ABCF1: variants seen among roughly 807,000 people sequenced by gnomAD.
The protein encoded by ABCF1 is ATP-binding cassette sub-family F member 1.
ABCF1 carries 73 observed loss-of-function variants against 126.3 expected under a neutral mutation model. The ratio of observed to expected loss-of-function variants is 0.58; its 90% CI spans 0.48 to 0.70. The LOEUF is 0.70. Ranked by LOEUF, ABCF1 falls within the 30% of genes least tolerant of loss-of-function variation. ABCF1 has a pLI of 0.00. For missense variants in ABCF1, 786 were observed against 1,057.5 expected (o/e 0.74, Z 3.56); for synonymous variants, 345 against 396.4 (o/e 0.87, Z 1.54).
chr6:30,577,172 A>G (rs1258528399), intron 1 of ABCF1, among the ~76,000 whole-genome samples: 2 of 152,142 alleles, frequency 1.3e-5, no homozygotes, highest in South Asian at 2.1e-4. Context: ...ATGATCCCCT[A>G]CGCTAGCACA....
At position 30,590,837 on chromosome 6, in the gene ABCF1, A is replaced by G; in HGVS notation, c.*136A>G. On this transcript the variant is annotated 3_prime_UTR_variant, in exon 25 of 25. Transcript: ENST00000326195. Reference sequence around the variant, plus strand: ...TTCAGGCACATGAAGGTGGAGTGTGACCTTGATGTGACCGGGATCCCACTC... The same window carrying G: ...TTCAGGCACATGAAGGTGGAGTGTGGCCTTGATGTGACCGGGATCCCACTC... 1.1e-6 allele frequency: 1 copy of G among 930,798 alleles called. No homozygotes were observed. The allele number at this position is 930,798 out of a possible 1,614,324, so 57.7% of individuals were successfully genotyped here.
In ABCF1 at chr6:30,583,587, C is replaced by T. The variant is rs777454705; in HGVS notation, c.916-21C>T. The T allele has an allele frequency of 3.1e-6, 5 of 1,613,084 alleles. No individual in the cohort carries two copies. Among genetic ancestry groups the T allele is most frequent in the Non-Finnish European group, 4.2e-6 (5 of 1,179,094 alleles). ...ATGTGATCATCCCTTCCCTCTGCCA[C>T]CTCTTTCCTGATGGCTGCAGCTGGA... On this transcript the variant is annotated intron_variant, in intron 10 of 24. Coordinates refer to ENST00000326195, the MANE Select transcript of ABCF1 (RefSeq NM_001025091.2). This position sits in a 1 kb window ranked among gnomAD's most constrained non-coding sequence, Gnocchi z 4.1.
At chr6:30,579,908 A>C (rs1270750505) in intron 6 of ABCF1, 23 bp from the exon 7 acceptor site, 1 of 1,608,556 alleles carries the variant, frequency 6.2e-7, no homozygotes, top group Non-Finnish European at 8.5e-7. Flanking sequence ...TATGTGTGTA[A>C]TGTGTATGTG....
chr6:30,585,849 A>C (rs1325917836), intron 16 of ABCF1, 30 bp from the exon 17 acceptor site: 2 of 1,578,822 alleles, frequency 1.3e-6, no homozygotes, highest in Non-Finnish European at 1.7e-6. Flanking sequence ...AGGAGCAACC[A>C]CTGATGCCTG....
Position 30,586,197 on chromosome 6 carries a change from G to A in ABCF1, c.1777G>A (p.Glu593Lys). The A allele has an allele frequency of 1.2e-6, 2 of 1,614,020 alleles. No individual in the cohort carries two copies. The highest frequency in any genetic ancestry group is 1.7e-6 in the Non-Finnish European group (2 of 1,179,930). ...QQKCRRKNQD[E>K]ESQEAPELLK... ...GAAATGCCGACGGAAAAACCAAGAT[G>A]AGGAATCCCAGGAGGCCCCTGAGCT... The change falls in exon 18 of 25, where the codon GAG (glutamate) becomes AAG (lysine). Residue 593 changes from glutamate to lysine, a missense_variant. Physicochemically the swap from Glu to Lys is moderately conservative, Grantham distance 56. Coordinates refer to ENST00000326195, the MANE Select transcript of ABCF1 (RefSeq NM_001025091.2). This position sits in a 1 kb window ranked among gnomAD's most constrained non-coding sequence, Gnocchi z 4.9.
At chr6:30,589,636 G>T in intron 20 of ABCF1, 52 bp from the exon 21 acceptor site, 1 of 1,588,870 alleles carries the variant, frequency 6.3e-7, no homozygotes, top group Non-Finnish European at 8.6e-7. Flanking sequence ...GTATGGAGCT[G>T]CAGCACCTTT....
In ABCF1 at chr6:30,582,997, T is replaced by C. The variant is rs551053021; in HGVS notation, c.793-69T>C. 647 of 1,559,484 alleles carry C rather than the reference T, an allele frequency of 4.1e-4. 1 individual carries two copies. Among genetic ancestry groups the C allele is most frequent in the Middle Eastern group, 1.2e-3 (7 of 5,840 alleles). On this transcript the variant is annotated intron_variant, in intron 9 of 24. Transcript: ENST00000326195. ...CGTGAGCCAGCATGCCCAGCCAGCA[T>C]GGGCTGTTTCATGGTGATGGGAAAC...
chr6:30,591,011 C>T lies in ABCF1; in HGVS notation c.*310C>T. On this transcript the variant is annotated 3_prime_UTR_variant, in exon 25 of 25. Transcript: ENST00000326195. ...CAGCCAAGTTTATGTGGCCTATTGT[C>T]TCAGGACTCTCATCACTCAGAAGCC... The T allele has an allele frequency of 3.0e-6, 1 of 329,726 alleles. No homozygotes were observed. The highest frequency in any genetic ancestry group is 5.5e-6 in the Non-Finnish European group (1 of 182,766). The allele number at this position is 329,726 out of a possible 1,614,324, so 20.4% of individuals were successfully genotyped here.
rs1157285987 is a variant in ABCF1, at chr6:30,586,537, T to C, written c.1949T>C (p.Met650Thr). Residue 650 changes from methionine to threonine, a missense_variant, in exon 19 of 25, where the codon ATG (methionine) becomes ACG (threonine). By Grantham distance (81) the Met-to-Thr change is moderately conservative. This residue lies in a region of ABCF1 where 288 missense variants were observed against 423.5 expected (regional missense o/e 0.68). Coordinates refer to ENST00000326195, the MANE Select transcript of ABCF1 (RefSeq NM_001025091.2). This position sits in a 1 kb window ranked among gnomAD's most constrained non-coding sequence, Gnocchi z 4.9. ...LFKNLDFGID[M>T]DSRICIVGPN... Reference sequence around the variant, plus strand: ...AAGAACTTGGATTTTGGCATCGACATGGATTCAAGGAGTGAGTTGGCGGGG... The same window carrying C: ...AAGAACTTGGATTTTGGCATCGACACGGATTCAAGGAGTGAGTTGGCGGGG... 1.2e-6 allele frequency: 2 copies of C among 1,613,308 alleles called. No homozygotes were observed. The highest frequency in any genetic ancestry group is 3.3e-5 in the Admixed American group (2 of 60,014).
chr6:30,577,446 C>T lies in ABCF1; in HGVS notation c.111C>T (p.Ile37=). The T allele has an allele frequency of 6.2e-7, 1 of 1,612,466 alleles. No homozygotes were observed. Among genetic ancestry groups the T allele is most frequent in the Non-Finnish European group, 8.5e-7 (1 of 1,179,466 alleles). The change falls in exon 2 of 25, where the codon ATC becomes ATT. Residue 37 remains isoleucine (I), a synonymous_variant. Transcript: ENST00000326195. ...VVKKGKKDKK[I]KKTFFEELAV... is the part of the protein sequence containing the mutation. ...AGAAAGGGAAGAAGGACAAGAAGAT[C>T]AAAAAAACGGTGAGAAAATGAGGGT... is the stretch of plus-strand genomic sequence containing the variant.
chr6:30,591,080 G>C lies in ABCF1; in HGVS notation c.*379G>C, dbSNP rs926523686. On this transcript the variant is annotated 3_prime_UTR_variant, in exon 25 of 25. Coordinates refer to ENST00000326195, the MANE Select transcript of ABCF1 (RefSeq NM_001025091.2). ...CAGCTTCAGGCCCAGCTGCCCCCCA[G>C]TCTTTGGGTGGTGCTGTTCTTTTCT... 119 of 204,490 alleles carry C rather than the reference G, an allele frequency of 5.8e-4. 2 individuals carry two copies. The highest frequency in any genetic ancestry group is 1.6e-3 in the Admixed American group (28 of 17,048). 12.7% of individuals were successfully genotyped at this position (204,490 alleles called of 1,614,324 possible).
rs749486204 is a variant in ABCF1, at chr6:30,577,789, G to A, written c.121-29G>A. On this transcript the variant is annotated intron_variant, in intron 2 of 24. Coordinates refer to ENST00000326195, the MANE Select transcript of ABCF1 (RefSeq NM_001025091.2). Reference sequence around the variant, plus strand: ...CTGCTTGGATTGCTCTTGGAAACATGTTTACCTGTAGCTTAACTCCCTTTA... The same window carrying A: ...CTGCTTGGATTGCTCTTGGAAACATATTTACCTGTAGCTTAACTCCCTTTA... 6 of 1,610,136 alleles carry A rather than the reference G, an allele frequency of 3.7e-6. No individual in the cohort carries two copies. The Admixed American group carries it at 1.0e-4, about 27-fold the overall frequency.
chr6:30,584,689 A>C lies in ABCF1; in HGVS notation c.1391+123A>C. 2 of 1,308,324 alleles carry C rather than the reference A, an allele frequency of 1.5e-6. No homozygotes were observed. Among genetic ancestry groups the C allele is most frequent in the Non-Finnish European group, 2.1e-6 (2 of 967,866 alleles). 81.0% of individuals were successfully genotyped at this position (1,308,324 alleles called of 1,614,324 possible). ...CAAGGCTTACCTCTCCCTCCTTACTATCTGTGTTGTGAGAACTTAGGGTCT... is the reference window on the plus strand; with the variant it reads ...CAAGGCTTACCTCTCCCTCCTTACTCTCTGTGTTGTGAGAACTTAGGGTCT... On this transcript the variant is annotated intron_variant, in intron 14 of 24. Coordinates refer to ENST00000326195, the MANE Select transcript of ABCF1 (RefSeq NM_001025091.2). The surrounding 1 kb of genome is among the most constrained non-coding windows in gnomAD (Gnocchi z 4.6).
chr6:30,583,490 G>A lies in ABCF1; in HGVS notation c.916-118G>A. On this transcript the variant is annotated intron_variant, in intron 10 of 24. Transcript: ENST00000326195. The surrounding 1 kb of genome is among the most constrained non-coding windows in gnomAD (Gnocchi z 4.1). ...GTGGGGAGAGGAAGGGGATTATGCT[G>A]GAGGTAGCGGTTTGTCAGAGGCTTC... is the stretch of plus-strand genomic sequence containing the variant. 5 of 1,090,612 alleles carry A rather than the reference G, an allele frequency of 4.6e-6. No individual in the cohort carries two copies. Among genetic ancestry groups the A allele is most frequent in the Non-Finnish European group, 5.5e-6 (4 of 726,934 alleles). 67.6% of individuals were successfully genotyped at this position (1,090,612 alleles called of 1,614,324 possible).
chr6:30,580,402 T>C lies in ABCF1; in HGVS notation c.565-4T>C. On this transcript the variant is annotated splice_region_variant and splice_polypyrimidine_tract_variant and intron_variant, in intron 7 of 24. Coordinates refer to ENST00000326195, the MANE Select transcript of ABCF1 (RefSeq NM_001025091.2). Reference sequence around the variant, plus strand: ...TTTCATCAGACCTGTCTTTTCCCTATTAGCCTCAAAATAAATTCGCTGCTC... The same window carrying C: ...TTTCATCAGACCTGTCTTTTCCCTACTAGCCTCAAAATAAATTCGCTGCTC... 1.3e-6 allele frequency: 2 copies of C among 1,509,406 alleles called. No homozygotes were observed. The highest frequency in any genetic ancestry group is 1.3e-5 in the South Asian group (1 of 76,796). 93.5% of individuals were successfully genotyped at this position (1,509,406 alleles called of 1,614,324 possible).
In ABCF1 at chr6:30,574,255, G is replaced by A. The variant is rs1801389353; in HGVS notation, c.73+2695G>A. Reference sequence around the variant, plus strand: ...GCTCAAGCCATCTTCCCTTGTAGCTGGGACTACAGGCACACACCGCCATGC... The same window carrying A: ...GCTCAAGCCATCTTCCCTTGTAGCTAGGACTACAGGCACACACCGCCATGC... On this transcript the variant is annotated intron_variant, in intron 1 of 24. Transcript: ENST00000326195. The surrounding 1 kb of genome is among the most constrained non-coding windows in gnomAD (Gnocchi z 4.3). Among the ~76,000 whole-genome samples the A allele has an allele frequency of 6.6e-6, 1 of 151,868 alleles. No homozygotes were observed. The highest frequency in any genetic ancestry group is 2.4e-5 in the African/African-American group (1 of 41,348).
rs540723338 is a variant in ABCF1, at chr6:30,584,155, C to G, written c.1103-37C>G. On this transcript the variant is annotated intron_variant, in intron 12 of 24. Coordinates refer to ENST00000326195, the MANE Select transcript of ABCF1 (RefSeq NM_001025091.2). The surrounding 1 kb of genome is among the most constrained non-coding windows in gnomAD (Gnocchi z 4.6). ...GGAAAGAAAGATGAGACTCTTGGCT[C>G]TTGAGGCTGCCTGACTGTTCTCCCT... 173 of 1,592,644 alleles carry G rather than the reference C, an allele frequency of 1.1e-4. 1 individual carries two copies. The South Asian group carries it at 1.8e-3, about 17-fold the overall frequency.
At chr6:30,578,671 G>A in intron 6 of ABCF1, 94 bp downstream of exon 6, 2 of 1,114,240 alleles carry the variant, frequency 1.8e-6, no homozygotes, top group Non-Finnish European at 2.7e-6. Flanking sequence ...GCTCTTCTCG[G>A]TCTGTCTTAC....
At position 30,586,414 on chromosome 6, in the gene ABCF1, A is replaced by G. The variant is rs1802136575; in HGVS notation, c.1886-60A>G. The G allele has an allele frequency of 6.2e-7, 1 of 1,604,592 alleles. No homozygotes were observed. Among genetic ancestry groups the G allele is most frequent in the African/African-American group, 1.3e-5 (1 of 74,824 alleles). ...TGCTCCTGTTCTCCAAGGCCAGCAC[A>G]TGAGAGGGACTTTGCAGGGACTGAA... On this transcript the variant is annotated intron_variant, in intron 18 of 24. Coordinates refer to ENST00000326195, the MANE Select transcript of ABCF1 (RefSeq NM_001025091.2). This position sits in a 1 kb window ranked among gnomAD's most constrained non-coding sequence, Gnocchi z 4.9.
Sources: allele counts gnomAD v4.1 joint callset (sites outside exome capture counted in the v4.1 genomes callset), GRCh38; gene constraint gnomAD v4.1.1; regional missense constraint gnomAD v4.1.1; non-coding constraint Gnocchi (gnomAD v3.1); transcripts MANE v1.5; gene names NCBI Gene and HGNC (gene_info 2026-07-23, HGNC 2026-07-21).